The following EDARADD variants were observed in gnomAD, a reference collection of about 807,000 sequenced individuals.
EDARADD encodes the protein EDAR associated via death domain, also known as ectodysplasin-A receptor-associated adapter protein.
A neutral mutation model predicts 25.6 loss-of-function variants in EDARADD; 20 were observed. The ratio of observed to expected loss-of-function variants is 0.78; its 90% CI spans 0.55 to 1.14. The LOEUF is 1.14. Among genes scored for constraint, EDARADD ranks in the 50% most tolerant of loss-of-function variants. The pLI, the probability that EDARADD is intolerant of heterozygous loss-of-function variation, is 0.00. For missense variants in EDARADD, 225 were observed against 270.1 expected (o/e 0.83, Z 1.17); for synonymous variants, 86 against 94.4 (o/e 0.91, Z 0.52).
intron 1 of EDARADD, among the ~76,000 whole-genome samples, chr1:236,396,332 G>C (rs1031868636): frequency 2.6e-5 from 4 of 152,076 alleles, no homozygotes; most frequent in African/African-American, 9.7e-5. Flanking sequence ...CGCTTTCCTG[G>C]AGTTCTCTCT....
intron 4 of EDARADD, among the ~76,000 whole-genome samples, chr1:236,456,649 C>T (rs1468757915): frequency 2.0e-5 from 3 of 152,050 alleles, no homozygotes; most frequent in South Asian, 4.1e-4. Flanking sequence ...ATCATGTCAC[C>T]GCTGGGAACA....
chr1:236,361,635 T>TTATATATA lies in EDARADD; in HGVS notation c.-6+10804_-6+10811dup, dbSNP rs146661697. Among the ~76,000 whole-genome samples the TTATATATA allele has an allele frequency of 1.6e-4, 21 of 134,164 alleles. 2 individuals are homozygous for TTATATATA. Among genetic ancestry groups the TTATATATA allele is most frequent in the African/African-American group, 6.5e-4 (21 of 32,504 alleles). 88.0% of individuals were successfully genotyped at this position (134,164 alleles called of 152,430 possible). ...GTGAGCCACCACGCACAGCCAAATT[T>TTATATATA]TATATATATATATATTCCTTCATAC... is the stretch of plus-strand genomic sequence containing the variant. On this transcript the variant is annotated intron_variant, in intron 3 of 7. Transcript: ENST00000439430.
At position 236,362,077 on chromosome 1, in the gene EDARADD, T is replaced by A. The variant is rs139733903; in HGVS notation, c.-6+11238T>A. Among the ~76,000 whole-genome samples, 44 of 152,180 alleles carry A rather than the reference T, an allele frequency of 2.9e-4. No individual in the cohort carries two copies. In the East Asian group the frequency reaches 3.1e-3, roughly 11 times the overall value. On this transcript the variant is annotated intron_variant, in intron 3 of 7. Coordinates refer to the EDARADD transcript ENST00000439430. The stretch of plus-strand genomic sequence containing the variant: ...CAATATTTACCCGCAATTGGTATTG[T>A]CATCTGTTTCTTTTTTGAGACAGGA...
At chr1:236,407,074 C>T (rs1667751625) in intron 1 of EDARADD, among the ~76,000 whole-genome samples, 1 of 152,180 alleles carries the variant, frequency 6.6e-6, no homozygotes, top group South Asian at 2.1e-4. Context: ...CTTAGGGCCA[C>T]ACAGGAATCT....
At chr1:236,378,715 T>C (rs1238468355) in intron 3 of EDARADD, among the ~76,000 whole-genome samples, 5 of 152,232 alleles carry the variant, frequency 3.3e-5, no homozygotes, top group African/African-American at 7.2e-5. Flanking sequence ...TCTTCATTAA[T>C]GCAGCATGAT....
intron 4 of EDARADD, among the ~76,000 whole-genome samples, chr1:236,467,422 ACGCG>A (rs1553270554): frequency 1.8e-4 from 20 of 113,792 alleles, no homozygotes; most frequent in Non-Finnish European, 3.7e-4. Context: ...AAGCACACAC[ACGCG>A]CACACACACA....
chr1:236,478,012 A>G (rs1341287203), intron 5 of EDARADD, among the ~76,000 whole-genome samples: 1 of 152,166 alleles, frequency 6.6e-6, no homozygotes, highest in East Asian at 1.9e-4. Context: ...CTGAGGCAGG[A>G]GAATTGCTTG....
chr1:236,484,698 G>T lies in EDARADD; in HGVS notation c.*2049G>T. On this transcript the variant is annotated 3_prime_UTR_variant, in exon 6 of 6. Coordinates refer to ENST00000334232, the MANE Select transcript of EDARADD (RefSeq NM_145861.4). The surrounding 1 kb of genome is among the most constrained non-coding windows in gnomAD (Gnocchi z 4.1). ...ACACCAGTCTGGAGACAGAGTGAGA[G>T]TCCGTCCCAGAAAAAAAAAAAAAAA... is the stretch of plus-strand genomic sequence containing the variant. 1 of 243,438 alleles carries T rather than the reference G, an allele frequency of 4.1e-6. No individual in the cohort carries two copies. Among genetic ancestry groups the T allele is most frequent in the Non-Finnish European group, 7.6e-6 (1 of 130,960 alleles). The allele number at this position is 243,438 out of a possible 1,614,324, so 15.1% of individuals were successfully genotyped here.
At chr1:236,366,334 C>A (rs1667112157) in intron 3 of EDARADD, among the ~76,000 whole-genome samples, 2 of 152,158 alleles carry the variant, frequency 1.3e-5, no homozygotes, top group South Asian at 4.1e-4. Flanking sequence ...TGACTCCCTA[C>A]CACTGAGCTG....
chr1:236,442,116 ACTTT>A (rs1356500748), intron 4 of EDARADD, among the ~76,000 whole-genome samples: 14 of 151,026 alleles, frequency 9.3e-5, no homozygotes, highest in East Asian at 1.9e-4. Context: ...GCCATCTAGG[ACTTT>A]CTTTCTTTCT....
At chr1:236,351,778 T>G (rs892027621) in intron 3 of EDARADD, among the ~76,000 whole-genome samples, 1 of 151,298 alleles carries the variant, frequency 6.6e-6, no homozygotes, top group African/African-American at 2.4e-5. Context: ...GTGAAAAGTA[T>G]ACACTCAAGA....
chr1:236,391,166 T>A (rs550254337), upstream of EDARADD, among the ~76,000 whole-genome samples: 1 of 152,080 alleles, frequency 6.6e-6, no homozygotes, highest in Non-Finnish European at 1.5e-5. Context: ...CCCACGCACC[T>A]CCTCCACTCA....
At chr1:236,396,061 A>C (rs1242592643) in intron 1 of EDARADD, among the ~76,000 whole-genome samples, 1 of 152,058 alleles carries the variant, frequency 6.6e-6, no homozygotes, top group Non-Finnish European at 1.5e-5. Flanking sequence ...CCCCGCTCAC[A>C]TGCCTTCTCA....
At chr1:236,349,986 C>T (rs1666896475) in intron 2 of EDARADD, among the ~76,000 whole-genome samples, 1 of 152,204 alleles carries the variant, frequency 6.6e-6, no homozygotes, top group Non-Finnish European at 1.5e-5. Context: ...TTGGTGCACA[C>T]CTGTAGTCCC....
chr1:236,448,751 A>G (rs1246238523), intron 4 of EDARADD, among the ~76,000 whole-genome samples: 1 of 152,216 alleles, frequency 6.6e-6, no homozygotes, highest in Non-Finnish European at 1.5e-5. Context: ...GTCTTCACCT[A>G]ACCAATGTGC....
At chr1:236,362,886 C>A (rs538477922) in intron 3 of EDARADD, among the ~76,000 whole-genome samples, 1 of 146,674 alleles carries the variant, frequency 6.8e-6, no homozygotes, top group South Asian at 2.2e-4. Flanking sequence ...TATTTGTGGG[C>A]TGGTTGCAGT....
chr1:236,457,820 C>G (rs548278314), intron 4 of EDARADD, among the ~76,000 whole-genome samples: 1 of 119,552 alleles, frequency 8.4e-6, no homozygotes, highest in Non-Finnish European at 1.7e-5. Flanking sequence ...CTCTGTCCCC[C>G]ACCAAAAAAA....
chr1:236,431,416 A>G (rs1658091292), intron 4 of EDARADD, among the ~76,000 whole-genome samples: 1 of 152,180 alleles, frequency 6.6e-6, no homozygotes, highest in Admixed American at 6.5e-5. Flanking sequence ...CCTGTCTCTT[A>G]AACAAAACAA....
intron 4 of EDARADD, among the ~76,000 whole-genome samples, chr1:236,446,717 A>T (rs1658546103): frequency 6.6e-6 from 1 of 152,208 alleles, no homozygotes; most frequent in Non-Finnish European, 1.5e-5. Context: ...TATATTTTTT[A>T]AAAACACGTA....
Sources: allele counts gnomAD v4.1 joint callset (sites outside exome capture counted in the v4.1 genomes callset), GRCh38; gene constraint gnomAD v4.1.1; non-coding constraint Gnocchi (gnomAD v3.1); transcripts MANE v1.5; gene names NCBI Gene and HGNC (gene_info 2026-07-23, HGNC 2026-07-21).